ANKIB1: variants seen among roughly 807,000 people sequenced by gnomAD.
ANKIB1 encodes ankyrin repeat and IBR domain containing 1.
A neutral mutation model predicts 122.1 loss-of-function variants in ANKIB1; 43 were observed. The observed-to-expected ratio is 0.35, with a 90% CI of 0.28 to 0.45. The LOEUF is 0.45. Among genes scored for constraint, ANKIB1 ranks in the 20% least tolerant of loss-of-function variants. The probability of loss-of-function intolerance (pLI) is 1.00; values close to 1 mark genes in which losing one functional copy is unlikely to be tolerated. For synonymous variants in ANKIB1, 390 were observed against 442.0 expected (o/e 0.88, Z 1.48); for missense variants, 992 against 1,329.5 (o/e 0.75, Z 3.95).
intron 1 of ANKIB1, among the ~76,000 whole-genome samples, chr7:92,273,777 C>CTT (rs111414202): frequency 1.4e-4 from 20 of 142,984 alleles, no homozygotes; most frequent in Middle Eastern, 3.6e-3. Context: ...TATTTTTTTT[C>CTT]TTTTTTTTTT....
intron 3 of ANKIB1, among the ~76,000 whole-genome samples, chr7:92,314,776 A>G (rs1279655740): frequency 6.6e-6 from 1 of 152,218 alleles, no homozygotes; most frequent in East Asian, 1.9e-4. Context: ...CCTCAGACCA[A>G]TAAAATCTAA....
chr7:92,336,468 G>T (rs1803290558), intron 5 of ANKIB1, among the ~76,000 whole-genome samples: 1 of 151,894 alleles, frequency 6.6e-6, no homozygotes, highest in Non-Finnish European at 1.5e-5. Flanking sequence ...CCTCAAGGTT[G>T]GTGTCCACTG....
At chr7:92,329,015 TGGAG>T (rs1803096141) in intron 5 of ANKIB1, among the ~76,000 whole-genome samples, 1 of 150,600 alleles carries the variant, frequency 6.6e-6, no homozygotes. Context: ...TTGCCCAGGC[TGGAG>T]TGCAGTGGTG....
intron 1 of ANKIB1, among the ~76,000 whole-genome samples, chr7:92,293,751 CTA>C (rs372970358): frequency 1.2e-4 from 18 of 152,290 alleles, no homozygotes; most frequent in African/African-American, 4.3e-4. Flanking sequence ...TAATCTAATG[CTA>C]GAGACTCTGA....
chr7:92,400,212 T>G lies in ANKIB1; in HGVS notation c.*1263T>G, dbSNP rs1804987685. 1 of 152,248 alleles carries G rather than the reference T, an allele frequency of 6.6e-6. No individual in the cohort carries two copies. The highest frequency in any genetic ancestry group is 2.1e-4 in the South Asian group (1 of 4,838). The allele number at this position is 152,248 out of a possible 1,614,324, so 9.4% of individuals were successfully genotyped here. On this transcript the variant is annotated 3_prime_UTR_variant, in exon 20 of 20. Coordinates refer to ENST00000265742, the MANE Select transcript of ANKIB1 (RefSeq NM_019004.2). The stretch of plus-strand genomic sequence containing the variant: ...CTAACTAGCAAATGCTGACATGTGT[T>G]TGTTCTACTGCGCAATACTCATTTG...
chr7:92,284,375 T>C (rs1339328472), intron 1 of ANKIB1, among the ~76,000 whole-genome samples: 1 of 152,216 alleles, frequency 6.6e-6, no homozygotes, highest in East Asian at 1.9e-4. Flanking sequence ...AAAGGCCTTC[T>C]TTATTGTCAG....
At chr7:92,386,694 C>T (rs986802354) in intron 12 of ANKIB1, 51 bp downstream of exon 12, 8 of 1,419,582 alleles carry the variant, frequency 5.6e-6, no homozygotes, top group Non-Finnish European at 7.4e-6. Flanking sequence ...CTCACTGCCA[C>T]TGGAATTATT....
At chr7:92,251,371 GGA>G (rs1801326557) in intron 1 of ANKIB1, among the ~76,000 whole-genome samples, 1 of 152,136 alleles carries the variant, frequency 6.6e-6, no homozygotes, top group East Asian at 1.9e-4. Context: ...GTATGGTAAA[GGA>G]AAGTATGTAA....
chr7:92,355,709 C>T (rs1350914621), intron 9 of ANKIB1, among the ~76,000 whole-genome samples: 4 of 151,622 alleles, frequency 2.6e-5, no homozygotes, highest in Admixed American at 2.6e-4. Context: ...ATTAGCCAGG[C>T]GTGGTGGCAT....
intron 7 of ANKIB1, 81 bp from the exon 8 acceptor site, chr7:92,350,869 G>GA: frequency 7.2e-7 from 1 of 1,385,172 alleles, no homozygotes; most frequent in Non-Finnish European, 9.6e-7. Flanking sequence ...AAAAAAAAAG[G>GA]AAAGAAAAAG....
chr7:92,371,644 T>C (rs1397854611), intron 11 of ANKIB1, 37 bp downstream of exon 11: 6 of 1,570,250 alleles, frequency 3.8e-6, no homozygotes, highest in Non-Finnish European at 5.2e-6. Flanking sequence ...GCTTTGCATT[T>C]GGAATCTTAA....
intron 1 of ANKIB1, 104 bp from the exon 2 acceptor site, chr7:92,294,785 C>A: frequency 2.0e-6 from 1 of 490,950 alleles, no homozygotes; most frequent in South Asian, 4.9e-5. Flanking sequence ...AGTTGGTTCC[C>A]TTATCGATGA....
chr7:92,295,263 C>T (rs1802330041), intron 2 of ANKIB1, 97 bp downstream of exon 2: 7 of 839,612 alleles, frequency 8.3e-6, no homozygotes, highest in Admixed American at 3.5e-5. Context: ...TTTGAAAATA[C>T]GGACATATAC....
In ANKIB1 at chr7:92,307,724, G is replaced by GTT. The variant is rs201863693; in HGVS notation, c.486+80_486+81dup. 6.9e-3 allele frequency: 6,428 copies of GTT among 925,126 alleles called. 1 individual carries two copies. Among genetic ancestry groups the GTT allele is most frequent in the East Asian group, 0.021 (557 of 26,376 alleles). The allele number at this position is 925,126 out of a possible 1,614,324, so 57.3% of individuals were successfully genotyped here. A position where few individuals can be genotyped will look rare whatever the true frequency, so the allele number is the denominator to read the frequency against. On this transcript the variant is annotated intron_variant, in intron 3 of 19. Transcript: ENST00000265742. ...TATCCAGGTGATATGTAACTGTCAG[G>GTT]TTTTTTTTTTTTTGATTGTCTTAGT... is the stretch of plus-strand genomic sequence containing the variant.
intron 1 of ANKIB1, among the ~76,000 whole-genome samples, chr7:92,273,254 C>T (rs1801834593): frequency 6.6e-6 from 1 of 152,110 alleles, no homozygotes; most frequent in Non-Finnish European, 1.5e-5. Flanking sequence ...ATGGCATAAA[C>T]AATTAGAATG....
At chr7:92,319,018 C>T (rs1165600975) in intron 3 of ANKIB1, among the ~76,000 whole-genome samples, 1 of 151,918 alleles carries the variant, frequency 6.6e-6, no homozygotes, top group African/African-American at 2.4e-5. Flanking sequence ...TAACTATAAG[C>T]TTTTTCAAAT....
chr7:92,388,066 T>C, intron 14 of ANKIB1, 25 bp downstream of exon 14: 1 of 1,533,448 alleles, frequency 6.5e-7, no homozygotes, highest in Non-Finnish European at 8.8e-7. Context: ...GTATGTGTGA[T>C]AATTAATATA....
At chr7:92,377,874 T>C (rs1804419605) in intron 11 of ANKIB1, among the ~76,000 whole-genome samples, 1 of 152,080 alleles carries the variant, frequency 6.6e-6, no homozygotes, top group Admixed American at 6.5e-5. Flanking sequence ...CCTGATAGTT[T>C]CACGATAGAA....
intron 10 of ANKIB1, among the ~76,000 whole-genome samples, chr7:92,363,473 T>G (rs1585126759): frequency 6.6e-6 from 1 of 152,118 alleles, no homozygotes; most frequent in Admixed American, 6.5e-5. Flanking sequence ...GATGCCAGAC[T>G]TCAGGGCATG....
Sources: gnomAD v4.1 joint callset for allele counts (sites outside exome capture counted in the v4.1 genomes callset) on GRCh38, gnomAD v4.1.1 for gene constraint, MANE v1.5 for transcripts, NCBI Gene and HGNC (gene_info 2026-07-23, HGNC 2026-07-21) for gene names.